Variants in RIC8A observed in about 807,000 individuals in gnomAD.
RIC8A encodes the protein chaperone Ric-8A.
A neutral mutation model predicts 48.4 loss-of-function variants in RIC8A; 37 were observed. That is an observed-to-expected ratio of 0.77 (90% CI 0.59 to 1.01). The LOEUF is 1.01. Ranked by LOEUF, RIC8A falls within the 50% of genes least tolerant of loss-of-function variation. RIC8A has a pLI of 0.00. For missense variants in RIC8A, 681 were observed against 696.8 expected (o/e 0.98, Z 0.25); for synonymous variants, 288 against 283.4 (o/e 1.02, Z -0.16).
Position 208,825 on chromosome 11 carries a change from A to G in RIC8A, c.-30A>G, listed in dbSNP as rs1031817480. The G allele has an allele frequency of 1.9e-6, 3 of 1,587,456 alleles. No homozygotes were observed. The highest frequency in any genetic ancestry group is 2.6e-6 in the Non-Finnish European group (3 of 1,164,952). ...GAACTGCGGCCCGGAACGGCTGAGG[A>G]AGGGCCCGTCCCGCCTTCCCCGGCG... is the stretch of plus-strand genomic sequence containing the variant. On this transcript the variant is annotated 5_prime_UTR_variant, in exon 1 of 10. Transcript: ENST00000526104. The surrounding 1 kb of genome is among the most constrained non-coding windows in gnomAD (Gnocchi z 4.8).
chr11:210,090 G>A (rs776555570), intron 3 of RIC8A, 90 bp downstream of exon 3: 2 of 1,167,684 alleles, frequency 1.7e-6, no homozygotes, highest in Non-Finnish European at 2.4e-6. Context: ...CAGGTTTCTG[G>A]GTGTCAGACA....
intron 5 of RIC8A, 92 bp from the exon 6 acceptor site, chr11:212,324 T>C (rs1855381075): frequency 2.5e-5 from 31 of 1,232,542 alleles, no homozygotes; most frequent in Non-Finnish European, 3.6e-5. Flanking sequence ...CTGTTGTGTA[T>C]GTTGGTGGGA....
chr11:210,273 G>T lies in RIC8A; in HGVS notation c.726+273G>T, dbSNP rs1855319896. ...ACTGTAAGAGATCCTCCACCATGAG[G>T]CTGTGAGTGGGGCTGAGACAGAGTG... is the stretch of plus-strand genomic sequence containing the variant. On this transcript the variant is annotated intron_variant, in intron 3 of 9. Coordinates refer to ENST00000526104, the MANE Select transcript of RIC8A (RefSeq NM_001286134.2). 7.4e-6 allele frequency: 5 copies of T among 679,054 alleles called. No homozygotes were observed. In the Admixed American group the frequency reaches 1.0e-4, roughly 14 times the overall value. 42.1% of individuals were successfully genotyped at this position (679,054 alleles called of 1,614,324 possible).
chr11:210,056 G>T, intron 3 of RIC8A, 56 bp downstream of exon 3: 1 of 1,433,270 alleles, frequency 7.0e-7, no homozygotes, highest in South Asian at 1.3e-5. Context: ...ACATTTCCTG[G>T]ACCTGCTTCC....
intron 5 of RIC8A, chr11:212,167 C>G: frequency 1.9e-6 from 1 of 514,674 alleles, no homozygotes; most frequent in Non-Finnish European, 3.5e-6. Context: ...AGTTATTTCT[C>G]CCAAGTCACA....
intron 3 of RIC8A, 118 bp from the exon 4 acceptor site, chr11:210,453 G>A (rs768008923): frequency 3.1e-6 from 3 of 979,896 alleles, no homozygotes; most frequent in East Asian, 2.4e-5. Flanking sequence ...CAGGTATGCA[G>A]TACAGGAGGT....
chr11:209,828 A>G lies in RIC8A; in HGVS notation c.554A>G (p.Glu185Gly). The change falls in exon 3 of 10, where the codon GAG (glutamate) becomes GGG (glycine). Residue 185 changes from glutamate (E) to glycine (G), a missense_variant. Coordinates refer to ENST00000526104, the MANE Select transcript of RIC8A (RefSeq NM_001286134.2). Reference protein sequence around the residue: ...RTDVRQQLFQELKGVRLLTDT... With the variant: ...RTDVRQQLFQGLKGVRLLTDT... ...GATGTGCGCCAGCAGCTGTTTCAGG[A>G]GCTGAAAGGAGTGCGCCTGCTAACT... The G allele has an allele frequency of 6.2e-7, 1 of 1,613,960 alleles. No individual in the cohort carries two copies. Among genetic ancestry groups the G allele is most frequent in the Non-Finnish European group, 8.5e-7 (1 of 1,180,038 alleles).
In RIC8A at chr11:209,695, G is replaced by C. The variant is rs147111532; in HGVS notation, c.421G>C (p.Val141Leu). Reference protein sequence around the residue: ...AQMLAAEARLVVKLTERVGLY... With the variant: ...AQMLAAEARLLVKLTERVGLY... Reference sequence around the variant, plus strand: ...GATGCTGGCAGCAGAGGCCCGCCTAGTGGTGAAGCTCACAGAGCGTGTGGG... The same window carrying C: ...GATGCTGGCAGCAGAGGCCCGCCTACTGGTGAAGCTCACAGAGCGTGTGGG... The change falls in exon 3 of 10, where the codon GTG becomes CTG. Residue 141 changes from valine (V) to leucine (L), a missense_variant. Physicochemically the swap from Val to Leu is conservative, Grantham distance 32 (BLOSUM62 1). Transcript: ENST00000526104. 606 of 1,613,892 alleles carry C rather than the reference G, an allele frequency of 3.8e-4. 1 individual carries two copies. Among genetic ancestry groups the C allele is most frequent in the Non-Finnish European group, 5.1e-4 (596 of 1,180,032 alleles).
In RIC8A at chr11:211,698, C is replaced by T. The variant is rs533854426; in HGVS notation, c.969+349C>T. The T allele has an allele frequency of 1.3e-4, 25 of 186,516 alleles. 1 individual carries two copies. In the South Asian group the frequency reaches 3.2e-3, roughly 24 times the overall value. 11.6% of individuals were successfully genotyped at this position (186,516 alleles called of 1,614,324 possible). ...GTTGTCCCTCAGCATCCTGAGGAGA[C>T]CCATAGGAACCTCAGATCAAAGCTT... On this transcript the variant is annotated intron_variant, in intron 5 of 9. Transcript: ENST00000526104. The surrounding 1 kb of genome is among the most constrained non-coding windows in gnomAD (Gnocchi z 4.0).
At position 214,451 on chromosome 11, in the gene RIC8A, C is replaced by T. The variant is rs933932611; in HGVS notation, c.*101C>T. On this transcript the variant is annotated 3_prime_UTR_variant, in exon 10 of 10. Transcript: ENST00000526104. ...AGCCACATCCCACTGGATCCACACC[C>T]GCCCCCACTTCTCCATCTTAGAAAC... 4.3e-6 allele frequency: 6 copies of T among 1,390,482 alleles called. No individual in the cohort carries two copies. The highest frequency in any genetic ancestry group is 5.0e-6 in the Non-Finnish European group (5 of 1,005,462). 86.1% of individuals were successfully genotyped at this position (1,390,482 alleles called of 1,614,324 possible).
chr11:210,262 T>G (rs759658923), intron 3 of RIC8A: 3 of 670,838 alleles, frequency 4.5e-6, no homozygotes, highest in Non-Finnish European at 8.1e-6. Context: ...TAAGAGATCC[T>G]CCACCATGAG....
In RIC8A at chr11:209,328, G is replaced by A; in HGVS notation, c.132+10G>A. The A allele has an allele frequency of 1.2e-6, 2 of 1,611,976 alleles. No homozygotes were observed. Among genetic ancestry groups the A allele is most frequent in the Non-Finnish European group, 1.7e-6 (2 of 1,178,600 alleles). On this transcript the variant is annotated intron_variant, in intron 2 of 9. Coordinates refer to ENST00000526104, the MANE Select transcript of RIC8A (RefSeq NM_001286134.2). ...ACAGGAGGACCGGAAGGTGGGTGCT[G>A]GCCCAAGGGGTAAAGGGGCAGGGAC... is the stretch of plus-strand genomic sequence containing the variant.
At chr11:210,358 T>C in intron 3 of RIC8A, 1 of 703,532 alleles carries the variant, frequency 1.4e-6, no homozygotes, top group Non-Finnish European at 2.6e-6. Flanking sequence ...CTTAGAAGAA[T>C]ACTCATGGAG....
At chr11:210,082 G>A in intron 3 of RIC8A, 82 bp downstream of exon 3, 1 of 1,230,424 alleles carries the variant, frequency 8.1e-7, no homozygotes, top group Non-Finnish European at 1.1e-6. Flanking sequence ...GGTACCTTCA[G>A]GTTTCTGGGT....
Position 215,024 on chromosome 11 carries a change from C to T in RIC8A, c.*674C>T. 1 of 161,842 alleles carries T rather than the reference C, an allele frequency of 6.2e-6. No individual in the cohort carries two copies. The highest frequency in any genetic ancestry group is 1.4e-5 in the Non-Finnish European group (1 of 72,576). The allele number at this position is 161,842 out of a possible 1,614,324, so 10.0% of individuals were successfully genotyped here. On this transcript the variant is annotated 3_prime_UTR_variant, in exon 10 of 10. Transcript: ENST00000526104. The stretch of plus-strand genomic sequence containing the variant: ...TACACTTACAACAAGGAAAATGCCC[C>T]TCGTGTGACCATAGATTGAGATTTA...
Position 209,899 on chromosome 11 carries a change from C to CTT in RIC8A, c.625_626insTT (p.Pro209LeufsTer52). Reference sequence around the variant, plus strand: ...GGGGGTGACTCCTGAAGGGAACCCCCCACCCACGCTCCTTCCTTCCCAAGA... The same window carrying CTT: ...GGGGGTGACTCCTGAAGGGAACCCCCTTCACCCACGCTCCTTCCTTCCCAAGA... On this transcript the variant is annotated frameshift_variant, in exon 3 of 10. Coordinates refer to ENST00000526104, the MANE Select transcript of RIC8A (RefSeq NM_001286134.2). LOFTEE classifies it high-confidence loss of function. The CTT allele has an allele frequency of 6.2e-7, 1 of 1,609,116 alleles. No homozygotes were observed. The highest frequency in any genetic ancestry group is 8.5e-7 in the Non-Finnish European group (1 of 1,179,868).
At chr11:210,484 T>C (rs763702167) in intron 3 of RIC8A, 87 bp from the exon 4 acceptor site, 2 of 1,215,444 alleles carry the variant, frequency 1.6e-6, no homozygotes. Flanking sequence ...TGCCACACAG[T>C]CCTGGAGTGC....
In RIC8A at chr11:212,952, C is replaced by T. The variant is rs376357285; in HGVS notation, c.1326C>T (p.Asp442=). The T allele has an allele frequency of 7.8e-5, 124 of 1,580,864 alleles. No individual in the cohort carries two copies. Among genetic ancestry groups the T allele is most frequent in the Non-Finnish European group, 1.0e-4 (121 of 1,164,836 alleles). Residue 442 remains aspartate (D), a synonymous_variant, in exon 8 of 10, where the codon GAC becomes GAT. Coordinates refer to ENST00000526104, the MANE Select transcript of RIC8A (RefSeq NM_001286134.2). ...EGQYSEDEDT[D]TDEYKEAKAS... The stretch of plus-strand genomic sequence containing the variant: ...AGTACTCAGAGGATGAGGACACAGA[C>T]ACAGATGAGTACAAGGAAGCCAAAG...
chr11:209,702 A>G lies in RIC8A; in HGVS notation c.428A>G (p.Lys143Arg). ...GCAGCAGAGGCCCGCCTAGTGGTGAAGCTCACAGAGCGTGTGGGGCTGTAC... is the reference window on the plus strand; with the variant it reads ...GCAGCAGAGGCCCGCCTAGTGGTGAGGCTCACAGAGCGTGTGGGGCTGTAC... ...MLAAEARLVV[K>R]LTERVGLYRE... is the part of the protein sequence containing the mutation. The change falls in exon 3 of 10, where the codon AAG (lysine) becomes AGG (arginine). Residue 143 changes from lysine to arginine, a missense_variant. Transcript: ENST00000526104. 1 of 1,613,998 alleles carries G rather than the reference A, an allele frequency of 6.2e-7. No homozygotes were observed. The highest frequency in any genetic ancestry group is 8.5e-7 in the Non-Finnish European group (1 of 1,180,024).
Sources: gnomAD v4.1 joint callset for allele counts on GRCh38, gnomAD v4.1.1 for gene constraint, Gnocchi (gnomAD v3.1) non-coding constraint, MANE v1.5 for transcripts, NCBI Gene and HGNC (gene_info 2026-07-23, HGNC 2026-07-21) for gene names.